AP3B1: variants seen among roughly 807,000 people sequenced by gnomAD.
AP3B1 encodes AP-3 complex subunit beta-1.
In AP3B1, 61 loss-of-function variants were observed where a neutral mutation model predicts 132.5. That is an observed-to-expected ratio of 0.46 (90% CI 0.37 to 0.57). The LOEUF (loss-of-function observed/expected upper bound fraction) is 0.57, where lower values mean the gene tolerates loss of function less well. AP3B1 is among the 20% of genes least tolerant of loss of function. AP3B1 has a pLI of 0.00. For missense variants in AP3B1, 1,120 were observed against 1,289.4 expected (o/e 0.87, Z 2.01); for synonymous variants, 388 against 438.3 (o/e 0.89, Z 1.43).
At chr5:78,289,760 T>A (rs1749432247) in intron 1 of AP3B1, among the ~76,000 whole-genome samples, 1 of 152,178 alleles carries the variant, frequency 6.6e-6, no homozygotes, top group African/African-American at 2.4e-5. Context: ...ATACTTTATA[T>A]CCTGTTGTCC....
At position 78,265,702 on chromosome 5, in the gene AP3B1, A is replaced by G. The variant is rs772757816; in HGVS notation, c.204+1818T>C. Among the ~76,000 whole-genome samples, 5 of 152,196 alleles carry G rather than the reference A, an allele frequency of 3.3e-5. No homozygotes were observed. The South Asian group carries it at 6.2e-4, about 19-fold the overall frequency. ...GCATCACTTCCTCTGAGACAGCTTC[A>G]TGCTCTTCAACAAAATCACTTTCAT... is the stretch of plus-strand genomic sequence containing the variant. On this transcript the variant is annotated intron_variant, in intron 2 of 26. Coordinates refer to ENST00000255194, the MANE Select transcript of AP3B1 (RefSeq NM_003664.5).
Position 78,261,535 on chromosome 5 carries a change from G to A in AP3B1, c.204+5985C>T, listed in dbSNP as rs117327966. ...GGCTGCAGTGCAATGGCACGACCTC[G>A]GCTCACTGCAATCTCTGCCTTTCGG... On this transcript the variant is annotated intron_variant, in intron 2 of 26. Coordinates refer to ENST00000255194, the MANE Select transcript of AP3B1 (RefSeq NM_003664.5). Among the ~76,000 whole-genome samples, 728 of 152,226 alleles carry A rather than the reference G, an allele frequency of 4.8e-3. 5 individuals carry two copies. Among genetic ancestry groups the A allele is most frequent in the East Asian group, 0.015 (77 of 5,182 alleles).
chr5:78,165,795 A>C, intron 11 of AP3B1, 123 bp from the exon 12 acceptor site: 1 of 777,472 alleles, frequency 1.3e-6, no homozygotes, highest in Non-Finnish European at 2.2e-6. Flanking sequence ...TCAGCCGGGC[A>C]CAGTGGCTCA....
chr5:78,259,998 TAATAA>T (rs1748016997), intron 2 of AP3B1, among the ~76,000 whole-genome samples: 1 of 151,448 alleles, frequency 6.6e-6, no homozygotes, highest in Non-Finnish European at 1.5e-5. Context: ...AAAAAATTAA[TAATAA>T]AATTAAAAGA....
chr5:78,116,470 A>ATT (rs1216042009), intron 17 of AP3B1, among the ~76,000 whole-genome samples: 2 of 152,308 alleles, frequency 1.3e-5, no homozygotes, highest in African/African-American at 4.8e-5. Context: ...TAAATATACA[A>ATT]TTTTTAAAAC....
chr5:78,128,266 A>C, intron 16 of AP3B1, 106 bp from the exon 17 acceptor site: 2 of 1,039,830 alleles, frequency 1.9e-6, no homozygotes, highest in Non-Finnish European at 2.8e-6. Context: ...TCAAATGTCA[A>C]GGAATAAATA....
At chr5:78,135,706 CT>C (rs1443667936) in intron 15 of AP3B1, among the ~76,000 whole-genome samples, 1 of 152,124 alleles carries the variant, frequency 6.6e-6, no homozygotes, top group Non-Finnish European at 1.5e-5. Flanking sequence ...ACTTATAGCA[CT>C]TATCACTACA....
chr5:78,233,587 A>G (rs1457679835), intron 3 of AP3B1, among the ~76,000 whole-genome samples: 1 of 152,218 alleles, frequency 6.6e-6, no homozygotes, highest in Non-Finnish European at 1.5e-5. Context: ...ATTAAAATTA[A>G]TTAGGAAATA....
At chr5:78,191,634 C>T (rs1238172427) in intron 7 of AP3B1, among the ~76,000 whole-genome samples, 1 of 152,066 alleles carries the variant, frequency 6.6e-6, no homozygotes, top group East Asian at 1.9e-4. Flanking sequence ...TGAATCCATT[C>T]CCTAGAACCA....
At chr5:78,274,991 T>C (rs1395213043) in intron 1 of AP3B1, among the ~76,000 whole-genome samples, 1 of 152,008 alleles carries the variant, frequency 6.6e-6, no homozygotes, top group East Asian at 1.9e-4. Context: ...AGAAAGTAAA[T>C]ATTTTAAGTT....
At chr5:78,190,462 C>T (rs2112431536) in intron 7 of AP3B1, among the ~76,000 whole-genome samples, 1 of 152,230 alleles carries the variant, frequency 6.6e-6, no homozygotes, top group Non-Finnish European at 1.5e-5. Context: ...AATGAATCTC[C>T]AACAACATAT....
chr5:78,044,229 A>G lies in AP3B1; in HGVS notation c.2578-4955T>C, dbSNP rs1348862432. The G allele has an allele frequency of 1.0e-4, 16 of 160,110 alleles. No individual in the cohort carries two copies. In the East Asian group the frequency reaches 3.0e-3, roughly 30 times the overall value. The allele number at this position is 160,110 out of a possible 1,614,324, so 9.9% of individuals were successfully genotyped here. The stretch of plus-strand genomic sequence containing the variant: ...ACCAAGGCTGTACTGGGATGACTCC[A>G]GAGCTATATATTTTATATTTATAGA... On this transcript the variant is annotated intron_variant, in intron 22 of 26. Transcript: ENST00000255194.
chr5:78,172,012 G>A (rs184554820), intron 11 of AP3B1, among the ~76,000 whole-genome samples: 87 of 152,176 alleles, frequency 5.7e-4, no homozygotes, highest in African/African-American at 1.2e-3. Context: ...GGTTTTTGTC[G>A]TTGGTTCTGT....
chr5:78,073,691 T>C (rs1749645263), intron 22 of AP3B1, among the ~76,000 whole-genome samples: 1 of 152,192 alleles, frequency 6.6e-6, no homozygotes, highest in Non-Finnish European at 1.5e-5. Flanking sequence ...AAATAAATTA[T>C]ATTTTAAAAA....
At chr5:78,118,276 A>G (rs576127874) in intron 17 of AP3B1, among the ~76,000 whole-genome samples, 2 of 152,284 alleles carry the variant, frequency 1.3e-5, no homozygotes, top group African/African-American at 4.8e-5. Context: ...AAGACGGGTG[A>G]TTTCTGCATT....
chr5:78,090,071 T>C (rs958054073), intron 21 of AP3B1, among the ~76,000 whole-genome samples: 9 of 152,262 alleles, frequency 5.9e-5, no homozygotes, highest in African/African-American at 1.9e-4. Context: ...AAAATGCAAG[T>C]CTGGTCATGT....
intron 7 of AP3B1, among the ~76,000 whole-genome samples, chr5:78,215,232 T>C (rs984131602): frequency 6.6e-6 from 1 of 151,868 alleles, no homozygotes; most frequent in African/African-American, 2.4e-5. Context: ...CACAAATTGG[T>C]TTTTAAAATC....
intron 5 of AP3B1, 104 bp from the exon 6 acceptor site, chr5:78,225,712 G>A (rs1746373541): frequency 2.9e-6 from 2 of 695,058 alleles, no homozygotes; most frequent in Admixed American, 4.9e-5. Context: ...AGGGAAAGGA[G>A]AGCAAGAATT....
At chr5:78,194,222 T>C (rs1580470151) in intron 7 of AP3B1, among the ~76,000 whole-genome samples, 1 of 152,162 alleles carries the variant, frequency 6.6e-6, no homozygotes, top group East Asian at 1.9e-4. Context: ...TTTTAGTATA[T>C]TATGCATATC....
Sources: gnomAD v4.1 joint callset for allele counts (sites outside exome capture counted in the v4.1 genomes callset) on GRCh38, gnomAD v4.1.1 for gene constraint, MANE v1.5 for transcripts, NCBI Gene and HGNC (gene_info 2026-07-23, HGNC 2026-07-21) for gene names.